Variants in ZNF341 observed in about 807,000 individuals in gnomAD.
ZNF341 encodes zinc finger protein 341.
A neutral mutation model predicts 87.7 loss-of-function variants in ZNF341; 52 were observed. The ratio of observed to expected loss-of-function variants is 0.59; its 90% CI spans 0.47 to 0.75. The LOEUF is 0.75. ZNF341 is among the 30% of genes least tolerant of loss of function. ZNF341 has a pLI of 0.00. For missense variants in ZNF341, 977 were observed against 1,145.9 expected (o/e 0.85, Z 2.13); for synonymous variants, 459 against 472.7 (o/e 0.97, Z 0.38).
Position 33,748,825 on chromosome 20 carries a change from C to T in ZNF341, c.340-98C>T. The T allele has an allele frequency of 4.7e-6, 6 of 1,263,594 alleles. No homozygotes were observed. The South Asian group carries it at 1.0e-4, about 21-fold the overall frequency. The allele number at this position is 1,263,594 out of a possible 1,614,324, so 78.3% of individuals were successfully genotyped here. ...TTGTGCCATGCCCTCGGCTTACTTA[C>T]AGAGCCTGACATGTCCACACATGCA... On this transcript the variant is annotated intron_variant, in intron 3 of 14. Coordinates refer to ENST00000375200, the MANE Select transcript of ZNF341 (RefSeq NM_001282933.2).
At chr20:33,766,256 A>G (rs957866249) in intron 8 of ZNF341, among the ~76,000 whole-genome samples, 3 of 151,342 alleles carry the variant, frequency 2.0e-5, no homozygotes, top group Non-Finnish European at 1.5e-5. Flanking sequence ...GTGCAGGGGC[A>G]CAATCTCTGC....
At chr20:33,784,114 C>T (rs2019801034) in intron 12 of ZNF341, among the ~76,000 whole-genome samples, 1 of 105,182 alleles carries the variant, frequency 9.5e-6, no homozygotes, top group Non-Finnish European at 2.0e-5. Flanking sequence ...CCATCTCCCT[C>T]CAGCACCCTT....
chr20:33,774,841 G>C (rs1187283022), intron 10 of ZNF341, among the ~76,000 whole-genome samples: 1 of 152,096 alleles, frequency 6.6e-6, no homozygotes, highest in East Asian at 1.9e-4. Context: ...GGTGGCATGT[G>C]CCTGTAGTCC....
intron 13 of ZNF341, 93 bp downstream of exon 13, chr20:33,789,067 G>GCCCT: frequency 3.2e-6 from 3 of 927,704 alleles, no homozygotes; most frequent in Non-Finnish European, 4.8e-6. Flanking sequence ...AGGCCTGAGG[G>GCCCT]CAGGCCTCTC....
intron 8 of ZNF341, among the ~76,000 whole-genome samples, chr20:33,764,191 A>AT (rs1034688811): frequency 2.0e-5 from 3 of 148,956 alleles, no homozygotes; most frequent in South Asian, 2.1e-4. Context: ...TGCCCGGCTA[A>AT]TTTTTTTTGT....
chr20:33,745,151 C>A lies in ZNF341; in HGVS notation c.191C>A (p.Ser64Ter). ...LCGKCKKQFNSLPAFMTHKRE... is the reference protein window; with the variant it reads ...LCGKCKKQFN ...GGGAAGTGTAAGAAGCAATTCAACT[C>A]GCTGCCAGCGTTTATGACCCACAAG... Residue 64 changes from serine (S) to a stop codon, truncating the protein, a stop_gained, in exon 3 of 15, where the codon TCG becomes TAG. Coordinates refer to ENST00000375200, the MANE Select transcript of ZNF341 (RefSeq NM_001282933.2). LOFTEE classifies it high-confidence loss of function. 4.3e-6 allele frequency: 7 copies of A among 1,614,006 alleles called. No homozygotes were observed. Among genetic ancestry groups the A allele is most frequent in the Non-Finnish European group, 5.9e-6 (7 of 1,179,876 alleles).
chr20:33,789,043 G>T, intron 13 of ZNF341, 69 bp downstream of exon 13: 2 of 1,241,728 alleles, frequency 1.6e-6, no homozygotes, highest in Non-Finnish European at 2.3e-6. Flanking sequence ...GCTGGGGAGG[G>T]TGGGACAGAT....
intron 10 of ZNF341, among the ~76,000 whole-genome samples, chr20:33,776,749 A>G (rs930740825): frequency 2.0e-5 from 3 of 151,990 alleles, no homozygotes; most frequent in African/African-American, 7.2e-5. Context: ...TCAGCTATTC[A>G]CAGGTGTGGT....
intron 9 of ZNF341, among the ~76,000 whole-genome samples, chr20:33,767,386 T>TC (rs1443706404): frequency 3.3e-5 from 5 of 150,338 alleles, no homozygotes; most frequent in East Asian, 3.9e-4. Context: ...GATCACTTCT[T>TC]TTTTTTTTTT....
chr20:33,767,105 G>T, intron 9 of ZNF341, 64 bp downstream of exon 9: 1 of 1,538,234 alleles, frequency 6.5e-7, no homozygotes. Context: ...TGGTGCTAGG[G>T]TCTTGAATGC....
At chr20:33,755,591 CT>C (rs1004093201) in intron 5 of ZNF341, among the ~76,000 whole-genome samples, 233 of 118,028 alleles carry the variant, frequency 2.0e-3, no homozygotes, top group South Asian at 4.6e-3. Flanking sequence ...GAGTTGAATT[CT>C]TTTTTTTTTT....
At chr20:33,776,755 G>A (rs2019635273) in intron 10 of ZNF341, among the ~76,000 whole-genome samples, 1 of 152,020 alleles carries the variant, frequency 6.6e-6, no homozygotes, top group Non-Finnish European at 1.5e-5. Context: ...ATTCACAGGT[G>A]TGGTCGCCTT....
intron 8 of ZNF341, among the ~76,000 whole-genome samples, chr20:33,764,563 T>TATATATA (rs2019365740): frequency 1.0e-4 from 5 of 48,836 alleles, no homozygotes; most frequent in African/African-American, 5.5e-4. Flanking sequence ...ATATATATAT[T>TATATATA]TTTTTTTTTT....
intron 14 of ZNF341, among the ~76,000 whole-genome samples, chr20:33,790,348 C>T (rs995930528): frequency 1.3e-5 from 2 of 152,132 alleles, no homozygotes; most frequent in African/African-American, 2.4e-5. Flanking sequence ...GCTGGGATTA[C>T]AGGTGTGAGC....
intron 12 of ZNF341, chr20:33,788,074 C>T (rs2019906524): frequency 8.7e-6 from 1 of 114,384 alleles, no homozygotes; most frequent in African/African-American, 3.5e-5. Flanking sequence ...CAGAGTCCAT[C>T]CCTCTGCTGT....
chr20:33,780,517 C>T (rs2019720366), intron 10 of ZNF341, among the ~76,000 whole-genome samples: 1 of 151,892 alleles, frequency 6.6e-6, no homozygotes, highest in South Asian at 2.1e-4. Flanking sequence ...AAGTGATTCT[C>T]CTGACTCAGT....
chr20:33,779,780 C>T (rs2019704609), intron 10 of ZNF341, among the ~76,000 whole-genome samples: 1 of 152,106 alleles, frequency 6.6e-6, no homozygotes, highest in South Asian at 2.1e-4. Context: ...GAGTGACAGG[C>T]AGGTCTGTTT....
Position 33,732,960 on chromosome 20 carries a change from A to G in ZNF341, c.31+908A>G, listed in dbSNP as rs2018605721. ...GGAGTGGGATGAGATGAGTATACAG[A>G]TAGGGTGCAAACTCGAAGTACTGGA... On this transcript the variant is annotated intron_variant, in intron 1 of 14. Coordinates refer to ENST00000375200, the MANE Select transcript of ZNF341 (RefSeq NM_001282933.2). This position sits in a 1 kb window ranked among gnomAD's most constrained non-coding sequence, Gnocchi z 4.5. Among the ~76,000 whole-genome samples, 1 of 152,190 alleles carries G rather than the reference A, an allele frequency of 6.6e-6. No homozygotes were observed. Among genetic ancestry groups the G allele is most frequent in the East Asian group, 1.9e-4 (1 of 5,194 alleles).
chr20:33,766,832 T>A lies in ZNF341; in HGVS notation c.1223-19T>A. On this transcript the variant is annotated intron_variant, in intron 8 of 14. Transcript: ENST00000375200. ...AATGGGCCGGCTCCTTGTCCTGACT[T>A]CCCTGGCTTTCTCCACAGGGTTGGG... The A allele has an allele frequency of 6.3e-7, 1 of 1,588,442 alleles. No homozygotes were observed. Among genetic ancestry groups the A allele is most frequent in the Non-Finnish European group, 8.6e-7 (1 of 1,165,950 alleles).
Sources: allele counts gnomAD v4.1 joint callset (sites outside exome capture counted in the v4.1 genomes callset), GRCh38; gene constraint gnomAD v4.1.1; non-coding constraint Gnocchi (gnomAD v3.1); transcripts MANE v1.5; gene names NCBI Gene and HGNC (gene_info 2026-07-23, HGNC 2026-07-21).